AGAP1: variants seen among roughly 807,000 people sequenced by gnomAD.
AGAP1 encodes arf-GAP with GTPase, ANK repeat and PH domain-containing protein 1.
In AGAP1, 29 loss-of-function variants were observed where a neutral mutation model predicts 105.3. The ratio of observed to expected loss-of-function variants is 0.28; its 90% CI spans 0.21 to 0.38. AGAP1 has a LOEUF of 0.38. Ranked by LOEUF, AGAP1 falls within the 10% of genes least tolerant of loss-of-function variation. The probability of loss-of-function intolerance (pLI) is 1.00; values close to 1 mark genes in which losing one functional copy is unlikely to be tolerated. For missense variants in AGAP1, 998 were observed against 1,165.1 expected, an observed-to-expected ratio of 0.86 and a Z score of 2.09; for synonymous variants, 509 against 485.9, an observed-to-expected ratio of 1.05 and a Z score of -0.63.
rs1465787868 is a variant in AGAP1 at position 235,866,025 on chromosome 2, C to T, written c.1051-17320C>T. On this transcript the variant is annotated intron_variant, in intron 9 of 17. Coordinates refer to ENST00000304032, the MANE Select transcript of AGAP1 (RefSeq NM_001037131.3). This position sits in a 1 kb window ranked among gnomAD's most constrained non-coding sequence, Gnocchi z 6.1. Reference sequence around the variant, plus strand: ...CGATCCATGTATGTCTGTGTATCTGCGGTCTGGTCATTTTTGCCACACTTG... The same window carrying T: ...CGATCCATGTATGTCTGTGTATCTGTGGTCTGGTCATTTTTGCCACACTTG... Among the ~76,000 whole-genome samples the T allele has an allele frequency of 6.6e-6, 1 of 152,156 alleles. No homozygotes were observed. Among genetic ancestry groups the T allele is most frequent in the Admixed American group, 6.5e-5 (1 of 15,276 alleles).
chr2:235,833,909 T>C (rs997269289), intron 9 of AGAP1, among the ~76,000 whole-genome samples: 3 of 148,470 alleles, frequency 2.0e-5, no homozygotes, highest in Non-Finnish European at 4.4e-5. Context: ...AGTAATTTCA[T>C]GACCCACTAA....
intron 5 of AGAP1, among the ~76,000 whole-genome samples, chr2:235,746,644 C>A (rs758980913): frequency 5.5e-4 from 84 of 152,096 alleles, no homozygotes; most frequent in Non-Finnish European, 6.0e-4. Flanking sequence ...TCATCCACAG[C>A]AGATTCTGCT....
intron 1 of AGAP1, among the ~76,000 whole-genome samples, chr2:235,703,167 A>AATTGTCTCAAAT (rs1950342220): frequency 6.6e-6 from 1 of 151,862 alleles, no homozygotes; most frequent in Non-Finnish European, 1.5e-5. Context: ...ACCTCAAGTG[A>AATTGTCTCAAAT]TCCGCCTGCC....
Position 235,901,257 on chromosome 2 carries a change from C to CT in AGAP1, c.1156-7478dup, listed in dbSNP as rs996049197. ...AATGGAGTTTGGGAATAGTAGTGAA[C>CT]TTTACAATGGCTTCTCTTACATACT... On this transcript the variant is annotated intron_variant, in intron 10 of 17. Transcript: ENST00000304032. This position sits in a 1 kb window ranked among gnomAD's most constrained non-coding sequence, Gnocchi z 4.3. Among the ~76,000 whole-genome samples, 1 of 151,170 alleles carries CT rather than the reference C, an allele frequency of 6.6e-6. No homozygotes were observed. The highest frequency in any genetic ancestry group is 1.5e-5 in the Non-Finnish European group (1 of 67,882).
intron 1 of AGAP1, among the ~76,000 whole-genome samples, chr2:235,565,781 C>T (rs945039517): frequency 1.4e-4 from 21 of 152,088 alleles, no homozygotes; most frequent in Non-Finnish European, 2.9e-5. Context: ...CCACCTCAGC[C>T]GCCTGAGTAG....
Position 235,968,548 on chromosome 2 carries a change from G to A in AGAP1, c.1570G>A (p.Ala524Thr), listed in dbSNP as rs557872871. The change falls in exon 13 of 18, where the codon GCC becomes ACC. Residue 524 changes from alanine to threonine, a missense_variant. Physicochemically the swap from Ala to Thr is moderately conservative, Grantham distance 58. Around this residue, in one of 3 missense-constraint regions of AGAP1, gnomAD observed 735 missense variants for 833.4 expected, o/e 0.88. Transcript: ENST00000304032. The stretch of plus-strand genomic sequence containing the variant: ...GCTCGACCCGCCCCCCTCCCCTCAC[G>A]CCAACAGAAAGAAGCACCGAAGGAA... ...PKLDPPPSPH[A>T]NRKKHRRKKS... is the part of the protein sequence containing the mutation. The A allele has an allele frequency of 1.7e-5, 25 of 1,514,698 alleles. No individual in the cohort carries two copies. Among genetic ancestry groups the A allele is most frequent in the Middle Eastern group, 3.8e-4 (2 of 5,330 alleles). The allele number at this position is 1,514,698 out of a possible 1,614,324, so 93.8% of individuals were successfully genotyped here.
At position 236,054,949 on chromosome 2, in the gene AGAP1, G is replaced by C. The variant is rs138732216; in HGVS notation, c.2114+5668G>C. On this transcript the variant is annotated intron_variant, in intron 16 of 17. Transcript: ENST00000304032. ...CACTGATAAATTAAAGGCCACCCCT[G>C]TGGTCTCTCAAGTGAGTAATAGAGG... Among the ~76,000 whole-genome samples, 463 of 152,248 alleles carry C rather than the reference G, an allele frequency of 3.0e-3. 1 individual carries two copies. Among genetic ancestry groups the C allele is most frequent in the African/African-American group, 0.01 (429 of 41,550 alleles).
chr2:235,598,029 G>T (rs1474547616), intron 1 of AGAP1, among the ~76,000 whole-genome samples: 2 of 117,336 alleles, frequency 1.7e-5, no homozygotes, highest in Non-Finnish European at 3.5e-5. Context: ...TTTCCTTTGT[G>T]TGGAGCGTGC....
intron 6 of AGAP1, chr2:235,783,471 G>A: frequency 4.4e-6 from 2 of 452,296 alleles, no homozygotes; most frequent in Non-Finnish European, 9.1e-6. Flanking sequence ...AGGAAGCAGA[G>A]GACGGACTGC....
chr2:235,772,744 G>A (rs1418506703), intron 6 of AGAP1, among the ~76,000 whole-genome samples: 2 of 152,326 alleles, frequency 1.3e-5, no homozygotes, highest in East Asian at 1.9e-4. Context: ...ACAGCTGAGC[G>A]GCTGTGACCA....
Position 235,555,503 on chromosome 2 carries a change from T to C in AGAP1, c.163+60654T>C, listed in dbSNP as rs1943945327. ...GGCTGGACTGGGGCCGGCATGGGGGTCACTGGCTGCAAGCGAAGGCAGCTT... is the reference window on the plus strand; with the variant it reads ...GGCTGGACTGGGGCCGGCATGGGGGCCACTGGCTGCAAGCGAAGGCAGCTT... On this transcript the variant is annotated intron_variant, in intron 1 of 17. Coordinates refer to ENST00000304032, the MANE Select transcript of AGAP1 (RefSeq NM_001037131.3). This position sits in a 1 kb window ranked among gnomAD's most constrained non-coding sequence, Gnocchi z 5.1. Among the ~76,000 whole-genome samples, 1 of 151,906 alleles carries C rather than the reference T, an allele frequency of 6.6e-6. No individual in the cohort carries two copies. Among genetic ancestry groups the C allele is most frequent in the Admixed American group, 6.6e-5 (1 of 15,232 alleles).
At chr2:235,890,946 A>AAAAAAAAAAAAG (rs2050511950) in intron 10 of AGAP1, among the ~76,000 whole-genome samples, 2 of 151,582 alleles carry the variant, frequency 1.3e-5, no homozygotes, top group Admixed American at 1.3e-4. Flanking sequence ...GAGGCTCAAA[A>AAAAAAAAAAAAG]AAAAAAACAC....
At chr2:235,991,122 C>G (rs914144906) in intron 13 of AGAP1, among the ~76,000 whole-genome samples, 16 of 152,278 alleles carry the variant, frequency 1.1e-4, no homozygotes, top group African/African-American at 3.1e-4. Context: ...TGCTTATGTT[C>G]TACTGTATTG....
Position 235,724,779 on chromosome 2 carries a change from AAG to A in AGAP1, c.310+7136_310+7137del, listed in dbSNP as rs1291160078. ...GGCTCGACAGTTCCCTAACTCAGGAAAGTCGAGTTTCTGAGCATAAGTCATAG... is the reference window on the plus strand; with the variant it reads ...GGCTCGACAGTTCCCTAACTCAGGAATCGAGTTTCTGAGCATAAGTCATAG... On this transcript the variant is annotated intron_variant, in intron 3 of 17. Transcript: ENST00000304032. The surrounding 1 kb of genome is among the most constrained non-coding windows in gnomAD (Gnocchi z 4.9). Among the ~76,000 whole-genome samples, 1 of 149,836 alleles carries A rather than the reference AAG, an allele frequency of 6.7e-6. No homozygotes were observed. The highest frequency in any genetic ancestry group is 1.5e-5 in the Non-Finnish European group (1 of 67,100).
intron 13 of AGAP1, among the ~76,000 whole-genome samples, chr2:236,007,941 C>G (rs2056378832): frequency 6.6e-6 from 1 of 152,224 alleles, no homozygotes; most frequent in Non-Finnish European, 1.5e-5. Flanking sequence ...ATTGTGTGAC[C>G]ACCACTGAAC....
Position 236,002,079 on chromosome 2 carries a change from C to A in AGAP1, c.1645+33456C>A, listed in dbSNP as rs894863766. On this transcript the variant is annotated intron_variant, in intron 13 of 17. Transcript: ENST00000304032. The surrounding 1 kb of genome is among the most constrained non-coding windows in gnomAD (Gnocchi z 4.3). ...CTTGGGATGTCTGTGTTGACAGGGC[C>A]ATGGGTGAGAACAGAGAGTTTCTCA... 2.0e-5 allele frequency among the ~76,000 whole-genome samples: 3 copies of A among 152,156 alleles called. No individual in the cohort carries two copies. Among genetic ancestry groups the A allele is most frequent in the African/African-American group, 7.2e-5 (3 of 41,444 alleles).
At chr2:235,697,194 G>A (rs948108378) in intron 1 of AGAP1, among the ~76,000 whole-genome samples, 3 of 152,148 alleles carry the variant, frequency 2.0e-5, no homozygotes, top group Admixed American at 6.5e-5. Flanking sequence ...TGGAAGAACC[G>A]GAGGCAGCCC....
rs2123510 is a variant in AGAP1 at position 236,036,076 on chromosome 2, C to G, written c.1646-485C>G. Among the ~76,000 whole-genome samples the G allele has an allele frequency of 0.25, 38,377 of 151,974 alleles. 5,987 individuals carry two copies. The highest frequency in any genetic ancestry group is 0.44 in the African/African-American group (18,244 of 41,374). On this transcript the variant is annotated intron_variant, in intron 13 of 17. Coordinates refer to ENST00000304032, the MANE Select transcript of AGAP1 (RefSeq NM_001037131.3). The surrounding 1 kb of genome is among the most constrained non-coding windows in gnomAD (Gnocchi z 5.7). The stretch of plus-strand genomic sequence containing the variant: ...TGAAAACGTGGGAATTGATGCCTCT[C>G]CCACGGTAACAGGTCCTCTGCCATA...
chr2:235,499,645 T>A (rs1941481691), intron 1 of AGAP1, among the ~76,000 whole-genome samples: 1 of 152,136 alleles, frequency 6.6e-6, no homozygotes, highest in Admixed American at 6.5e-5. Flanking sequence ...CAGGTGCTCT[T>A]TGAGATGCCG....
Sources: allele counts gnomAD v4.1 joint callset (sites outside exome capture counted in the v4.1 genomes callset), GRCh38; gene constraint gnomAD v4.1.1; regional missense constraint gnomAD v4.1.1; non-coding constraint Gnocchi (gnomAD v3.1); transcripts MANE v1.5; gene names NCBI Gene and HGNC (gene_info 2026-07-23, HGNC 2026-07-21).